The following VTI1A variants were observed in gnomAD, a reference collection of about 807,000 sequenced individuals.
VTI1A encodes vesicle transport through interaction with t-SNAREs homolog 1A.
A neutral mutation model predicts 34.9 loss-of-function variants in VTI1A; 22 were observed. The ratio of observed to expected loss-of-function variants is 0.63; its 90% CI spans 0.45 to 0.90. The LOEUF is 0.90. Ranked by LOEUF, VTI1A falls within the 40% of genes least tolerant of loss-of-function variation. The probability of loss-of-function intolerance (pLI) is 0.00; values close to 1 mark genes in which losing one functional copy is unlikely to be tolerated. For missense variants in VTI1A, 268 were observed against 275.6 expected, an observed-to-expected ratio of 0.97 and a Z score of 0.20; for synonymous variants, 87 against 97.3, an observed-to-expected ratio of 0.89 and a Z score of 0.62.
At chr10:112,736,040 A>G (rs1850440398) in intron 7 of VTI1A, among the ~76,000 whole-genome samples, 1 of 147,002 alleles carries the variant, frequency 6.8e-6, no homozygotes, top group African/African-American at 2.5e-5. Context: ...TATATATAGT[A>G]TATGTTTATA....
chr10:112,714,737 G>A (rs556349746), intron 7 of VTI1A, among the ~76,000 whole-genome samples: 7 of 152,330 alleles, frequency 4.6e-5, no homozygotes, highest in African/African-American at 1.7e-4. Context: ...AGGCACAGGA[G>A]GATCAGGAAA....
chr10:112,618,048 G>C (rs1845571312), intron 5 of VTI1A, among the ~76,000 whole-genome samples: 1 of 152,078 alleles, frequency 6.6e-6, no homozygotes, highest in Non-Finnish European at 1.5e-5. Context: ...CAGCTACTTG[G>C]GAGGCTGAAG....
intron 7 of VTI1A, among the ~76,000 whole-genome samples, chr10:112,704,162 T>G (rs1849111144): frequency 6.6e-6 from 1 of 152,206 alleles, no homozygotes; most frequent in South Asian, 2.1e-4. Flanking sequence ...CTAAGGCAAT[T>G]CGTATTAACA....
chr10:112,472,535 T>C (rs1848128253), intron 3 of VTI1A, among the ~76,000 whole-genome samples: 1 of 137,362 alleles, frequency 7.3e-6, no homozygotes, highest in South Asian at 2.2e-4. Context: ...CCCATATTCT[T>C]TTTTTTTTTT....
intron 5 of VTI1A, among the ~76,000 whole-genome samples, chr10:112,593,622 C>G (rs190697950): frequency 1.5e-3 from 221 of 152,218 alleles, no homozygotes; most frequent in Non-Finnish European, 2.3e-3. Flanking sequence ...ACTCATAATC[C>G]CATCAACCAC....
At chr10:112,657,629 A>C (rs1183850260) in intron 5 of VTI1A, among the ~76,000 whole-genome samples, 1 of 152,196 alleles carries the variant, frequency 6.6e-6, no homozygotes, top group East Asian at 1.9e-4. Flanking sequence ...CGAAGACCCA[A>C]GTCTAAGAAC....
rs1052392893 is a variant in VTI1A at position 112,590,580 on chromosome 10, G to T, written c.427+52250G>T. 2.6e-5 allele frequency among the ~76,000 whole-genome samples: 4 copies of T among 152,200 alleles called. No individual in the cohort carries two copies. In the East Asian group the frequency reaches 7.7e-4, roughly 29 times the overall value. On this transcript the variant is annotated intron_variant, in intron 5 of 7. Transcript: ENST00000393077. ...GCCTATAATCCCAGCTACTCAGGAG[G>T]CTGAGGTGGGAGGATTGTTTGAGCC...
chr10:112,818,850 C>G (rs1853597484), downstream of VTI1A: 1 of 174,976 alleles, frequency 5.7e-6, no homozygotes, highest in African/African-American at 2.4e-5. Flanking sequence ...TTTTTCCACT[C>G]CGAGCTCTGG....
chr10:112,544,821 A>T (rs1851014652), intron 5 of VTI1A, among the ~76,000 whole-genome samples: 1 of 152,146 alleles, frequency 6.6e-6, no homozygotes, highest in Admixed American at 6.5e-5. Context: ...TGTTCAGGCA[A>T]CAGAAAGAAA....
At chr10:112,838,762 G>A in the VTI1A span, among the ~76,000 whole-genome samples, 2 of 152,176 alleles carry the variant, frequency 1.3e-5, no homozygotes, top group Non-Finnish European at 2.9e-5. Flanking sequence ...CTGGCGCCAC[G>A]GAAGTGCACT....
chr10:112,545,445 A>T (rs1327790620), intron 5 of VTI1A, among the ~76,000 whole-genome samples: 2 of 152,264 alleles, frequency 1.3e-5, no homozygotes. Context: ...GCACAATAAA[A>T]TAATAAATAT....
At chr10:112,737,072 C>A in intron 7 of VTI1A, 1 of 389,202 alleles carries the variant, frequency 2.6e-6, no homozygotes, top group Non-Finnish European at 4.6e-6. Context: ...CTTTTTTTTT[C>A]TTTTTCTTTT....
intron 5 of VTI1A, among the ~76,000 whole-genome samples, chr10:112,628,009 C>A (rs187551730): frequency 1.3e-5 from 2 of 152,072 alleles, no homozygotes; most frequent in African/African-American, 4.8e-5. Flanking sequence ...GAGAAGTGGA[C>A]GCCAAGGTCT....
At position 112,741,983 on chromosome 10, in the gene VTI1A, G is replaced by A. The variant is rs536444564; in HGVS notation, c.560+72985G>A. On this transcript the variant is annotated intron_variant, in intron 7 of 7. Transcript: ENST00000393077. ...TCATTTTGAACCTATTTTAAATTCT[G>A]TAGCAAGCAAGTAAAAAAAATAAAT... is the stretch of plus-strand genomic sequence containing the variant. Among the ~76,000 whole-genome samples, 382 of 152,202 alleles carry A rather than the reference G, an allele frequency of 2.5e-3. 3 individuals are homozygous for A. Among genetic ancestry groups the A allele is most frequent in the African/African-American group, 8.7e-3 (363 of 41,532 alleles).
chr10:112,715,282 A>ATAATC (rs563047010), intron 7 of VTI1A, among the ~76,000 whole-genome samples: 1 of 152,234 alleles, frequency 6.6e-6, no homozygotes, highest in East Asian at 1.9e-4. Flanking sequence ...ACCTAAATGA[A>ATAATC]TAATCTAAAC....
intron 3 of VTI1A, among the ~76,000 whole-genome samples, chr10:112,482,109 A>G (rs1239522081): frequency 6.6e-6 from 1 of 152,214 alleles, no homozygotes; most frequent in Non-Finnish European, 1.5e-5. Context: ...AGACTTAGAA[A>G]AAAATACTAT....
chr10:112,691,080 G>A (rs906893101), intron 7 of VTI1A, among the ~76,000 whole-genome samples: 2 of 151,906 alleles, frequency 1.3e-5, no homozygotes, highest in Non-Finnish European at 2.9e-5. Flanking sequence ...ACAGGCTGGC[G>A]AAACCCCGTC....
At chr10:112,699,974 C>T (rs1263447616) in intron 7 of VTI1A, among the ~76,000 whole-genome samples, 1 of 151,206 alleles carries the variant, frequency 6.6e-6, no homozygotes, top group Non-Finnish European at 1.5e-5. Context: ...CAAAAATTAG[C>T]CGGGTATGGT....
chr10:112,802,938 T>C (rs911619851), intron 7 of VTI1A, among the ~76,000 whole-genome samples: 1 of 152,210 alleles, frequency 6.6e-6, no homozygotes, highest in Non-Finnish European at 1.5e-5. Flanking sequence ...AAGAGCAGCC[T>C]CGAAATTGAG....
Sources: gnomAD v4.1 joint callset for allele counts (sites outside exome capture counted in the v4.1 genomes callset) on GRCh38, gnomAD v4.1.1 for gene constraint, MANE v1.5 for transcripts, NCBI Gene and HGNC (gene_info 2026-07-23, HGNC 2026-07-21) for gene names.